The following CACNA2D3 variants were observed in gnomAD, a reference collection of about 807,000 sequenced individuals.
The protein encoded by CACNA2D3 is voltage-dependent calcium channel subunit alpha-2/delta-3.
In CACNA2D3, 60 loss-of-function variants were observed where a neutral mutation model predicts 160.6. The observed-to-expected ratio is 0.37, with a 90% CI of 0.30 to 0.46. The LOEUF (loss-of-function observed/expected upper bound fraction) is 0.46, where lower values mean the gene tolerates loss of function less well. CACNA2D3 is among the 20% of genes least tolerant of loss of function. The pLI, the probability that CACNA2D3 is intolerant of heterozygous loss-of-function variation, is 1.00. For synonymous variants in CACNA2D3, 558 were observed against 492.9 expected (o/e 1.13, Z -1.75); for missense variants, 1,205 against 1,365.0 (o/e 0.88, Z 1.85).
intron 4 of CACNA2D3, among the ~76,000 whole-genome samples, chr3:54,483,975 T>C (rs77674728): frequency 0.028 from 4,211 of 152,232 alleles, 198 homozygotes; most frequent in African/African-American, 0.095. Flanking sequence ...AGCACTGAAA[T>C]TGTTCACATC....
intron 9 of CACNA2D3, among the ~76,000 whole-genome samples, chr3:54,599,349 G>A (rs540296911): frequency 6.6e-6 from 1 of 152,234 alleles, no homozygotes; most frequent in South Asian, 2.1e-4. Context: ...ATATTAAATC[G>A]CTATTTTTGT....
chr3:54,655,567 G>A (rs1418498731), intron 11 of CACNA2D3, among the ~76,000 whole-genome samples: 1 of 152,164 alleles, frequency 6.6e-6, no homozygotes, highest in Non-Finnish European at 1.5e-5. Context: ...CTTAGAAGAA[G>A]ATTAAAGTAT....
At position 54,465,629 on chromosome 3, in the gene CACNA2D3, C is replaced by T. The variant is rs1381132934; in HGVS notation, c.382-37863C>T. Among the ~76,000 whole-genome samples, 4 of 152,292 alleles carry T rather than the reference C, an allele frequency of 2.6e-5. No homozygotes were observed. The East Asian group carries it at 7.7e-4, about 29-fold the overall frequency. ...TGACCACATCCAAGTGCATACACTC[C>T]ATTTTGGAACCCTCTAGCACACAGC... is the stretch of plus-strand genomic sequence containing the variant. On this transcript the variant is annotated intron_variant, in intron 4 of 37. Transcript: ENST00000474759.
intron 27 of CACNA2D3, chr3:54,924,763 G>T (rs200158467): frequency 6.2e-7 from 1 of 1,614,072 alleles, no homozygotes; most frequent in East Asian, 2.2e-5. Context: ...TGGTTTTGTT[G>T]AACCGCAAGT....
chr3:54,533,754 G>A (rs1412439030), intron 5 of CACNA2D3, among the ~76,000 whole-genome samples: 1 of 151,962 alleles, frequency 6.6e-6, no homozygotes, highest in Non-Finnish European at 1.5e-5. Context: ...AAGGGTCATG[G>A]TGTGTGCAGT....
chr3:54,496,571 A>T (rs568598189), intron 4 of CACNA2D3, among the ~76,000 whole-genome samples: 255 of 152,280 alleles, frequency 1.7e-3, no homozygotes, highest in Non-Finnish European at 2.9e-3. Flanking sequence ...TGTATTACGA[A>T]TACTTTTTCC....
At chr3:54,834,343 T>C (rs1385025364) in intron 14 of CACNA2D3, among the ~76,000 whole-genome samples, 3 of 152,228 alleles carry the variant, frequency 2.0e-5, no homozygotes, top group East Asian at 3.8e-4. Flanking sequence ...CAGTTTTCTT[T>C]ATAGCATTAA....
chr3:54,621,876 G>A (rs1274405452), intron 9 of CACNA2D3, among the ~76,000 whole-genome samples: 1 of 152,212 alleles, frequency 6.6e-6, no homozygotes, highest in Admixed American at 6.5e-5. Context: ...TTCACATGTT[G>A]AAGACGGTCC....
At chr3:54,176,468 T>C (rs1398399710) in intron 2 of CACNA2D3, among the ~76,000 whole-genome samples, 1 of 152,236 alleles carries the variant, frequency 6.6e-6, no homozygotes, top group African/African-American at 2.4e-5. Flanking sequence ...GAAGGGATAA[T>C]GATGGTGGCC....
chr3:54,607,412 C>T (rs1698654538), intron 9 of CACNA2D3, among the ~76,000 whole-genome samples: 1 of 152,134 alleles, frequency 6.6e-6, no homozygotes, highest in Non-Finnish European at 1.5e-5. Flanking sequence ...ACCTCCACCT[C>T]CTGGGTTCAA....
At chr3:54,712,710 T>G (rs1443485087) in intron 11 of CACNA2D3, among the ~76,000 whole-genome samples, 2 of 152,226 alleles carry the variant, frequency 1.3e-5, no homozygotes, top group Non-Finnish European at 2.9e-5. Context: ...GAATGTGTTT[T>G]CTTGCCTTTT....
intron 11 of CACNA2D3, among the ~76,000 whole-genome samples, chr3:54,717,866 G>A (rs563630080): frequency 4.6e-5 from 7 of 150,782 alleles, no homozygotes; most frequent in East Asian, 2.0e-4. Flanking sequence ...ATGTGCGTGC[G>A]TGTGTGTGGT....
intron 4 of CACNA2D3, among the ~76,000 whole-genome samples, chr3:54,415,435 A>G (rs1434906776): frequency 6.6e-6 from 1 of 152,192 alleles, no homozygotes; most frequent in Non-Finnish European, 1.5e-5. Flanking sequence ...ATTCTTTTCT[A>G]CTTTCAAGTT....
chr3:54,350,986 G>GTTTTTGT (rs1698548897), intron 3 of CACNA2D3, among the ~76,000 whole-genome samples: 1 of 65,922 alleles, frequency 1.5e-5, no homozygotes, highest in Non-Finnish European at 3.0e-5. Flanking sequence ...TTTTTTGTTT[G>GTTTTTGT]TTTTTTTTTT....
At chr3:55,062,434 G>A (rs1213203969) in intron 35 of CACNA2D3, among the ~76,000 whole-genome samples, 1 of 151,966 alleles carries the variant, frequency 6.6e-6, no homozygotes, top group Non-Finnish European at 1.5e-5. Context: ...ATTTTCCATT[G>A]TTATTCAATG....
At chr3:54,834,724 A>G (rs1334905451) in intron 14 of CACNA2D3, among the ~76,000 whole-genome samples, 4 of 152,240 alleles carry the variant, frequency 2.6e-5, no homozygotes, top group African/African-American at 9.6e-5. Flanking sequence ...CTATAGAGCT[A>G]GAGATAGGCT....
At chr3:54,827,077 G>T (rs1305833745) in intron 14 of CACNA2D3, among the ~76,000 whole-genome samples, 4 of 152,182 alleles carry the variant, frequency 2.6e-5, no homozygotes, top group Non-Finnish European at 4.4e-5. Context: ...AACTCCTGAG[G>T]GCCAAACATG....
chr3:54,548,959 A>G (rs1381527404), intron 5 of CACNA2D3, among the ~76,000 whole-genome samples: 1 of 152,184 alleles, frequency 6.6e-6, no homozygotes, highest in Non-Finnish European at 1.5e-5. Flanking sequence ...ACAGATGTTA[A>G]AAGCAGCACG....
chr3:55,035,802 G>A (rs1474312747), intron 35 of CACNA2D3, among the ~76,000 whole-genome samples: 1 of 152,024 alleles, frequency 6.6e-6, no homozygotes, highest in Non-Finnish European at 1.5e-5. Flanking sequence ...GAATGGTCAG[G>A]GTATTTAGGA....
Sources: gnomAD v4.1 joint callset for allele counts (sites outside exome capture counted in the v4.1 genomes callset) on GRCh38, gnomAD v4.1.1 for gene constraint, MANE v1.5 for transcripts, NCBI Gene and HGNC (gene_info 2026-07-23, HGNC 2026-07-21) for gene names.